The following DCC variants were observed in gnomAD, a reference collection of about 807,000 sequenced individuals.
DCC encodes netrin receptor DCC.
DCC carries 58 observed loss-of-function variants against 172.5 expected under a neutral mutation model. That is an observed-to-expected ratio of 0.34 (90% confidence interval 0.27 to 0.42). The LOEUF is 0.42. Among genes scored for constraint, DCC ranks in the 10% least tolerant of loss-of-function variants. The pLI, the probability that DCC is intolerant of heterozygous loss-of-function variation, is 1.00. For synonymous variants in DCC, 709 were observed against 644.5 expected, an observed-to-expected ratio of 1.10 and a Z score of -1.52; for missense variants, 1,740 against 1,791.0, an observed-to-expected ratio of 0.97 and a Z score of 0.51.
chr18:52,911,140 C>T (rs541090054), intron 3 of DCC, among the ~76,000 whole-genome samples: 1 of 151,954 alleles, frequency 6.6e-6, no homozygotes, highest in South Asian at 2.1e-4. Flanking sequence ...AAAATAGATT[C>T]CATTTCTATG....
chr18:52,937,237 CAATAA>C (rs1224060579), intron 5 of DCC, among the ~76,000 whole-genome samples: 1 of 152,020 alleles, frequency 6.6e-6, no homozygotes, highest in East Asian at 1.9e-4. Flanking sequence ...ATTTTTAAAA[CAATAA>C]AATAATATAT....
chr18:52,572,188 C>T (rs531367372), intron 1 of DCC, among the ~76,000 whole-genome samples: 6 of 152,190 alleles, frequency 3.9e-5, no homozygotes, highest in East Asian at 3.9e-4. Flanking sequence ...AGACACCCAG[C>T]GCCTGCTGGC....
intron 5 of DCC, among the ~76,000 whole-genome samples, chr18:53,026,239 A>G (rs1039736324): frequency 6.6e-6 from 1 of 152,062 alleles, no homozygotes; most frequent in Non-Finnish European, 1.5e-5. Flanking sequence ...TTGGGTGAAA[A>G]AAGAAAATTT....
Position 53,174,568 on chromosome 18 carries a change from A to C in DCC, c.1419-4394A>C, listed in dbSNP as rs1253555215. 5.2e-3 allele frequency among the ~76,000 whole-genome samples: 792 copies of C among 151,292 alleles called. 2 individuals carry two copies. Among genetic ancestry groups the C allele is most frequent in the Admixed American group, 0.021 (310 of 15,058 alleles). On this transcript the variant is annotated intron_variant, in intron 8 of 28. Coordinates refer to ENST00000442544, the MANE Select transcript of DCC (RefSeq NM_005215.4). Reference sequence around the variant, plus strand: ...AACACCTCTACACAAATAAACTAGAAAATCTAGAAGAAATGGATAAATTCC... The same window carrying C: ...AACACCTCTACACAAATAAACTAGACAATCTAGAAGAAATGGATAAATTCC...
intron 5 of DCC, among the ~76,000 whole-genome samples, chr18:52,974,911 A>G (rs2041092765): frequency 6.6e-6 from 1 of 152,210 alleles, no homozygotes; most frequent in African/African-American, 2.4e-5. Flanking sequence ...AAAACACTCC[A>G]GACATTTATT....
intron 1 of DCC, among the ~76,000 whole-genome samples, chr18:52,435,936 C>T (rs1987780720): frequency 6.6e-6 from 1 of 152,182 alleles, no homozygotes. Context: ...CCAAACAGGC[C>T]TTCTAAACGA....
intron 21 of DCC, among the ~76,000 whole-genome samples, chr18:53,422,215 C>G (rs34753688): frequency 6.6e-6 from 1 of 152,150 alleles, no homozygotes; most frequent in African/African-American, 2.4e-5. Flanking sequence ...CTGGAAGACA[C>G]TACCAGCACC....
At chr18:53,197,419 GTTTT>G (rs11427253) in intron 9 of DCC, among the ~76,000 whole-genome samples, 22 of 119,520 alleles carry the variant, frequency 1.8e-4, no homozygotes, top group African/African-American at 3.5e-4. Context: ...TTTTATTTTA[GTTTT>G]TTTTTTTTTT....
At chr18:53,057,287 A>C (rs1480010850) in intron 5 of DCC, among the ~76,000 whole-genome samples, 1 of 152,032 alleles carries the variant, frequency 6.6e-6, no homozygotes, top group African/African-American at 2.4e-5. Flanking sequence ...AAAAAGAAAA[A>C]CAGATAAATT....
At chr18:53,285,010 A>C (rs973386414) in intron 12 of DCC, among the ~76,000 whole-genome samples, 2 of 152,144 alleles carry the variant, frequency 1.3e-5, no homozygotes, top group African/African-American at 4.8e-5. Flanking sequence ...CTAAGCAGCA[A>C]AGCATTCGAG....
intron 5 of DCC, among the ~76,000 whole-genome samples, chr18:52,929,641 C>T (rs2040273407): frequency 6.6e-6 from 1 of 151,930 alleles, no homozygotes; most frequent in South Asian, 2.1e-4. Context: ...ATTTTTTTTA[C>T]TGTAACTTCT....
chr18:53,466,939 T>C (rs1312711921), intron 24 of DCC, among the ~76,000 whole-genome samples: 1 of 152,212 alleles, frequency 6.6e-6, no homozygotes, highest in African/African-American at 2.4e-5. Context: ...TCTCCCAGTA[T>C]AATTTTTTAT....
chr18:53,361,849 T>A (rs1247150406), intron 15 of DCC, among the ~76,000 whole-genome samples: 3 of 152,160 alleles, frequency 2.0e-5, no homozygotes, highest in Non-Finnish European at 4.4e-5. Flanking sequence ...ATGTAGAGCC[T>A]GGAATTTTAA....
Position 53,210,767 on chromosome 18 carries a change from G to A in DCC, c.1861+2950G>A, listed in dbSNP as rs142134053. Among the ~76,000 whole-genome samples, 495 of 152,032 alleles carry A rather than the reference G, an allele frequency of 3.3e-3. 1 individual carries two copies. Among genetic ancestry groups the A allele is most frequent in the Non-Finnish European group, 4.3e-3 (295 of 67,982 alleles). On this transcript the variant is annotated intron_variant, in intron 11 of 28. Coordinates refer to ENST00000442544, the MANE Select transcript of DCC (RefSeq NM_005215.4). ...ATTTTTAAAAAAGCAAAAGTTAAGTGTAAATACATTTCTTCCAATTTCATT... is the reference window on the plus strand; with the variant it reads ...ATTTTTAAAAAAGCAAAAGTTAAGTATAAATACATTTCTTCCAATTTCATT...
At chr18:53,465,388 C>A (rs1194185171) in intron 24 of DCC, among the ~76,000 whole-genome samples, 1 of 152,078 alleles carries the variant, frequency 6.6e-6, no homozygotes, top group Admixed American at 6.5e-5. Flanking sequence ...TCTCTTTTAG[C>A]ACTTGAAAAA....
intron 1 of DCC, among the ~76,000 whole-genome samples, chr18:52,465,338 G>T (rs150207278): frequency 1.3e-5 from 2 of 152,174 alleles, no homozygotes; most frequent in African/African-American, 4.8e-5. Flanking sequence ...CTCAGCCAAA[G>T]AATACATATT....
At chr18:52,901,462 T>C (rs1376221406) in intron 2 of DCC, among the ~76,000 whole-genome samples, 1 of 151,084 alleles carries the variant, frequency 6.6e-6, no homozygotes, top group Non-Finnish European at 1.5e-5. Flanking sequence ...TAAATAAAAA[T>C]AACAATCATA....
rs59898050 is a variant in DCC at position 53,090,698 on chromosome 18, CAAAAAAAAAAAAAAAAAAAAAAA to C, written c.1261+24546_1261+24568del. 5.7e-3 allele frequency among the ~76,000 whole-genome samples: 226 copies of C among 39,376 alleles called. 2 individuals carry two copies. Among genetic ancestry groups the C allele is most frequent in the African/African-American group, 0.017 (210 of 12,476 alleles). The allele number at this position is 39,376 out of a possible 152,430, so 25.8% of individuals were successfully genotyped here. ...GACAGAGCGAAACTCCGTCCCCCAA[CAAAAAAAAAAAAAAAAAAAAAAA>C]AAAAAAAAAAAAAGAATGTATCGTG... On this transcript the variant is annotated intron_variant, in intron 7 of 28. Transcript: ENST00000442544.
chr18:52,980,037 A>G (rs1448437317), intron 5 of DCC, among the ~76,000 whole-genome samples: 3 of 152,226 alleles, frequency 2.0e-5, no homozygotes, highest in East Asian at 3.9e-4. Context: ...TTCGTGTTCA[A>G]TCACTGTATT....
Sources: allele counts gnomAD v4.1 joint callset (sites outside exome capture counted in the v4.1 genomes callset), GRCh38; gene constraint gnomAD v4.1.1; transcripts MANE v1.5; gene names NCBI Gene and HGNC (gene_info 2026-07-23, HGNC 2026-07-21).